Variants in CNKSR2 observed in about 807,000 individuals in gnomAD.
CNKSR2 encodes the protein CNK homolog protein 2.
CNKSR2 carries 14 observed loss-of-function variants against 84.4 expected under a neutral mutation model. That is an observed-to-expected ratio of 0.17 (90% CI 0.11 to 0.26). CNKSR2 has a LOEUF of 0.26. CNKSR2 is among the 10% of genes least tolerant of loss of function. The pLI is 1.00. For synonymous variants in CNKSR2, 275 were observed against 277.9 expected (o/e 0.99, Z 0.10); for missense variants, 485 against 771.2 (o/e 0.63, Z 4.40).
At chrX:21,501,680 G>A (rs1184132233) in intron 8 of CNKSR2, 92 bp downstream of exon 8, 5 of 415,421 alleles carry the variant, frequency 1.2e-5, no homozygotes, top group African/African-American at 2.5e-5. Context: ...ATTCCTGTTT[G>A]TATACAAAAT....
chrX:21,635,379 TGTGTGTG>T (rs1225210486), intron 20 of CNKSR2, among the ~76,000 whole-genome samples: 12 of 40,905 alleles, frequency 2.9e-4, no homozygotes, highest in African/African-American at 7.1e-4. Flanking sequence ...CTAAAATAAA[TGTGTGTG>T]TGTGTGTGTG....
At chrX:21,538,478 C>T (rs922944115) in intron 11 of CNKSR2, 18 of 111,786 alleles carry the variant, frequency 1.6e-4, no homozygotes, top group Non-Finnish European at 9.4e-5. Flanking sequence ...TATGGTATAT[C>T]GCTTGCAAAA....
chrX:21,549,039 C>G (rs2092057890), intron 11 of CNKSR2, among the ~76,000 whole-genome samples: 1 of 112,581 alleles, frequency 8.9e-6, no homozygotes, highest in Admixed American at 9.4e-5. Context: ...TCTCACCACT[C>G]CTATTCAGCA....
intron 11 of CNKSR2, among the ~76,000 whole-genome samples, chrX:21,554,917 C>G (rs1012355815): frequency 1.8e-5 from 2 of 111,106 alleles, no homozygotes; most frequent in Admixed American, 9.6e-5. Flanking sequence ...ACACTGTCTT[C>G]CACAATGGCT....
intron 20 of CNKSR2, 27 bp from the exon 21 acceptor site, chrX:21,648,794 CTTTTTTTTTT>C (rs33962399): frequency 3.2e-5 from 10 of 316,184 alleles, no homozygotes; most frequent in African/African-American, 6.2e-5. Context: ...CTCTCTCTTT[CTTTTTTTTTT>C]TTTTTTTTTT....
intron 1 of CNKSR2, among the ~76,000 whole-genome samples, chrX:21,413,629 G>T: frequency 9.1e-6 from 1 of 110,241 alleles, no homozygotes; most frequent in Non-Finnish European, 1.9e-5. Flanking sequence ...CACACCACTA[G>T]CCTTCCCTCC....
At chrX:21,488,093 G>A (rs746319525) in intron 5 of CNKSR2, among the ~76,000 whole-genome samples, 16 of 111,965 alleles carry the variant, frequency 1.4e-4, no homozygotes, top group Middle Eastern at 4.6e-3. Context: ...AGACCTGAGC[G>A]TCAGAGAGAG....
chrX:21,585,743 A>G (rs2092383099), intron 13 of CNKSR2, among the ~76,000 whole-genome samples: 1 of 111,484 alleles, frequency 9.0e-6, no homozygotes, highest in African/African-American at 3.3e-5. Context: ...GCTAAAGGTC[A>G]GAATTTATGG....
intron 11 of CNKSR2, among the ~76,000 whole-genome samples, chrX:21,544,939 G>A (rs1030916430): frequency 9.0e-6 from 1 of 111,427 alleles, no homozygotes; most frequent in African/African-American, 3.3e-5. Flanking sequence ...AGGGCCCTGG[G>A]TTTCAAGCAC....
At chrX:21,585,814 G>T (rs1282054652) in intron 13 of CNKSR2, among the ~76,000 whole-genome samples, 1 of 111,453 alleles carries the variant, frequency 9.0e-6, no homozygotes, top group Non-Finnish European at 1.9e-5. Context: ...AACAGAAAGT[G>T]CTAGTGAAGG....
intron 8 of CNKSR2, among the ~76,000 whole-genome samples, chrX:21,514,449 T>C (rs983946679): frequency 3.5e-4 from 39 of 112,043 alleles, no homozygotes; most frequent in African/African-American, 1.2e-3. Flanking sequence ...AAATGAACTT[T>C]CTTGTCAGAA....
Position 21,654,008 on chromosome X carries a change from T to C in CNKSR2, c.*1487T>C, listed in dbSNP as rs764640038. The stretch of plus-strand genomic sequence containing the variant: ...GAAAGTAAAAACTCCACAGCGGGGA[T>C]CTTTTTCTTTGCTTTTGAAACCACC... On this transcript the variant is annotated 3_prime_UTR_variant, in exon 22 of 22. Coordinates refer to ENST00000379510, the MANE Select transcript of CNKSR2 (RefSeq NM_014927.5). The C allele has an allele frequency of 3.6e-5, 4 of 111,099 alleles. No homozygotes were observed. The highest frequency in any genetic ancestry group is 5.7e-5 in the Non-Finnish European group (3 of 53,036). 9.2% of individuals were successfully genotyped at this position (111,099 alleles called of 1,213,427 possible).
intron 3 of CNKSR2, 136 bp from the exon 4 acceptor site, chrX:21,440,558 C>T: frequency 3.3e-6 from 1 of 304,351 alleles, no homozygotes; most frequent in Non-Finnish European, 5.7e-6. Flanking sequence ...TAAAATAAGT[C>T]CTGAATATTT....
intron 11 of CNKSR2, among the ~76,000 whole-genome samples, chrX:21,534,472 G>T (rs761629487): frequency 9.1e-6 from 1 of 110,163 alleles, no homozygotes; most frequent in African/African-American, 3.3e-5. Context: ...ATGCTGAATC[G>T]TATGGTAGTC....
At chrX:21,645,502 T>C (rs2092704290) in intron 20 of CNKSR2, 2 of 112,147 alleles carry the variant, frequency 1.8e-5, no homozygotes, top group African/African-American at 6.5e-5. Context: ...TCATTAGGAA[T>C]CACAGAAGGT....
chrX:21,547,952 A>G, intron 11 of CNKSR2, among the ~76,000 whole-genome samples: 1 of 112,219 alleles, frequency 8.9e-6, no homozygotes. Context: ...AATTTATAGC[A>G]CTAAATGCCC....
intron 13 of CNKSR2, among the ~76,000 whole-genome samples, chrX:21,565,177 A>G (rs1324718409): frequency 9.0e-6 from 1 of 111,648 alleles, no homozygotes; most frequent in African/African-American, 3.3e-5. Flanking sequence ...AATTATTAAA[A>G]GTTTGGATTT....
chrX:21,571,313 A>G (rs73451483), intron 13 of CNKSR2, among the ~76,000 whole-genome samples: 36 of 112,239 alleles, frequency 3.2e-4, no homozygotes, highest in African/African-American at 1.1e-3. Flanking sequence ...AGCACATGCT[A>G]TCGGAAAAAT....
At chrX:21,613,003 G>A (rs1253953970) in intron 20 of CNKSR2, among the ~76,000 whole-genome samples, 1 of 112,201 alleles carries the variant, frequency 8.9e-6, no homozygotes, top group African/African-American at 3.2e-5. Flanking sequence ...TGACTGAAAA[G>A]TCAGCTTGCA....
Sources: allele counts gnomAD v4.1 joint callset (sites outside exome capture counted in the v4.1 genomes callset), GRCh38; gene constraint gnomAD v4.1.1; transcripts MANE v1.5; gene names NCBI Gene and HGNC (gene_info 2026-07-23, HGNC 2026-07-21).